The following DACT2 variants were observed in gnomAD, a reference collection of about 807,000 sequenced individuals.
DACT2 encodes dapper homolog 2.
A neutral mutation model predicts 22.2 loss-of-function variants in DACT2; 20 were observed. That is an observed-to-expected ratio of 0.90 (90% CI 0.63 to 1.31). The LOEUF (loss-of-function observed/expected upper bound fraction) is 1.31. Ranked by LOEUF, DACT2 falls within the 50% of genes most tolerant of loss-of-function variation. DACT2 has a pLI of 0.00. For missense variants in DACT2, 1,048 were observed against 1,061.4 expected, an observed-to-expected ratio of 0.99 and a Z score of 0.18; for synonymous variants, 463 against 479.8, an observed-to-expected ratio of 0.96 and a Z score of 0.46.
Position 168,308,124 on chromosome 6 carries a change from C to A in DACT2, c.1633G>T (p.Gly545Trp). 1 of 1,548,086 alleles carries A rather than the reference C, an allele frequency of 6.5e-7. No homozygotes were observed. The highest frequency in any genetic ancestry group is 8.7e-7 in the Non-Finnish European group (1 of 1,145,344). ...DPAHWPTGRG[G>W]LQRRPALAWE... ...GCCAGGGCTGGCCTCCGCTGGAGCC[C>A]GCCCCTCCCTGTGGGCCAGTGGGCA... The change falls in exon 4 of 4, where the codon GGG becomes TGG. Residue 545 changes from glycine to tryptophan, a missense_variant. By Grantham distance (184) the Gly-to-Trp change is radical. Transcript: ENST00000366795.
At chr6:168,294,307 G>C in intron 4 of DACT2, 1 of 695,664 alleles carries the variant, frequency 1.4e-6, no homozygotes, top group Non-Finnish European at 2.6e-6. Context: ...TGAGGACACA[G>C]AGGAAGGGGA....
Position 168,294,577 on chromosome 6 carries a change from G to GTATATATATA in DACT2, c.730+46_730+55dup, listed in dbSNP as rs1554269708. The GTATATATATA allele has an allele frequency of 1.7e-3, 213 of 124,422 alleles. 6 individuals carry two copies. The highest frequency in any genetic ancestry group is 1.0e-2 in the African/African-American group (175 of 17,570). 7.7% of individuals were successfully genotyped at this position (124,422 alleles called of 1,614,324 possible). ...TGTGTGTGTATGTGTGTGTGTGTGTGTATATATATATATATATATATATAT... is the reference window on the plus strand; with the variant it reads ...TGTGTGTGTATGTGTGTGTGTGTGTGTATATATATATATATATATATATATATATATATAT... On this transcript the variant is annotated intron_variant, in intron 4 of 5. Transcript: ENST00000366796.
Position 168,308,224 on chromosome 6 carries a change from T to C in DACT2, c.1533A>G (p.Ala511=). Residue 511 remains alanine, a synonymous_variant, in exon 4 of 4, where the codon GCA becomes GCG. Coordinates refer to ENST00000366795, the MANE Select transcript of DACT2 (RefSeq NM_214462.5). ...TGTCCAGTAGAAGCAGCGGCTGCCT[T>C]GCAAACCTCAGCACCTTGTCCATGG... ...RSPMDKVLRF[A]RQPLLLLDRP... is the part of the protein sequence containing the mutation. 2.6e-6 allele frequency: 4 copies of C among 1,551,900 alleles called. No homozygotes were observed. Among genetic ancestry groups the C allele is most frequent in the Non-Finnish European group, 3.5e-6 (4 of 1,147,044 alleles).
At chr6:168,294,100 G>A (rs544072974) in intron 5 of DACT2, 19 of 702,958 alleles carry the variant, frequency 2.7e-5, no homozygotes, top group Middle Eastern at 4.6e-4. Context: ...AGCTAGACCC[G>A]AAGCACACAG....
At chr6:168,294,080 G>A (rs536770442) in intron 5 of DACT2, 2 of 702,932 alleles carry the variant, frequency 2.8e-6, no homozygotes, top group South Asian at 3.0e-5. Flanking sequence ...ACCCGCGATG[G>A]CAGTTGTGCA....
chr6:168,297,749 G>A (rs1779031920), intron 3 of DACT2, among the ~76,000 whole-genome samples: 1 of 152,260 alleles, frequency 6.6e-6, no homozygotes, highest in African/African-American at 2.4e-5. Flanking sequence ...AAGACAGAGA[G>A]ATGGATGTTT....
Position 168,308,998 on chromosome 6 carries a change from C to T in DACT2, c.759G>A (p.Leu253=). Residue 253 remains leucine (L), a synonymous_variant, in exon 4 of 4, where the codon CTG becomes CTA. Transcript: ENST00000366795. ...GCCGATACTTGGGGTCCGGCACGTGCAGCGGGATATCCACCCCCTGGCAGA... is the reference window on the plus strand; with the variant it reads ...GCCGATACTTGGGGTCCGGCACGTGTAGCGGGATATCCACCCCCTGGCAGA... The part of the protein sequence containing the change: ...GLLCQGVDIP[L]HVPDPKYRQD... 6.5e-6 allele frequency: 10 copies of T among 1,548,848 alleles called. No homozygotes were observed. Among genetic ancestry groups the T allele is most frequent in the Non-Finnish European group, 8.7e-6 (10 of 1,146,966 alleles).
At position 168,319,478 on chromosome 6, in the gene DACT2, C is replaced by A. The variant is rs1243702049; in HGVS notation, c.156G>T (p.Pro52=). 2 of 1,201,866 alleles carry A rather than the reference C, an allele frequency of 1.7e-6. No individual in the cohort carries two copies. The highest frequency in any genetic ancestry group is 2.1e-6 in the Non-Finnish European group (2 of 970,214). 74.5% of individuals were successfully genotyped at this position (1,201,866 alleles called of 1,614,324 possible). The change falls in exon 1 of 4, where the codon CCG becomes CCT. Residue 52 remains proline (P), a synonymous_variant. Coordinates refer to ENST00000366795, the MANE Select transcript of DACT2 (RefSeq NM_214462.5). The part of the protein sequence containing the change: ...RVRGALALQP[P]PAPAAPCGPH... ...GGCCGCAGGGCGCGGCGGGCGCGGG[C>A]GGGGGCTGCAGGGCCAGGGCGCCCC...
chr6:168,294,567 G>GTATA (rs1249192925), intron 4 of DACT2: 1 of 480,722 alleles, frequency 2.1e-6, no homozygotes, highest in African/African-American at 5.4e-5. Context: ...GTGTATGTGT[G>GTATA]TGTGTGTGTG....
In DACT2 at chr6:168,319,492, C is replaced by T; in HGVS notation, c.142G>A (p.Ala48Thr). Reference sequence around the variant, plus strand: ...GCGGGCGCGGGCGGGGGCTGCAGGGCCAGGGCGCCCCGTACCCGCTCCTGC... The same window carrying T: ...GCGGGCGCGGGCGGGGGCTGCAGGGTCAGGGCGCCCCGTACCCGCTCCTGC... ...TQQERVRGAL[A>T]LQPPPAPAAP... is the part of the protein sequence containing the mutation. Residue 48 changes from alanine (A) to threonine (T), a missense_variant, in exon 1 of 4, where the codon GCC (alanine) becomes ACC (threonine). Coordinates refer to ENST00000366795, the MANE Select transcript of DACT2 (RefSeq NM_214462.5). 7.9e-7 allele frequency: 1 copy of T among 1,260,452 alleles called. No individual in the cohort carries two copies. The highest frequency in any genetic ancestry group is 1.0e-6 in the Non-Finnish European group (1 of 999,000). 78.1% of individuals were successfully genotyped at this position (1,260,452 alleles called of 1,614,324 possible).
chr6:168,308,534 T>C lies in DACT2; in HGVS notation c.1223A>G (p.Tyr408Cys), dbSNP rs1455561300. ...AGRGGPQQQG[Y>C]MPLEGPQQSG... is the part of the protein sequence containing the mutation. ...CTGCTGGGGACCCTCAAGGGGCATGTATCCCTGCTGCTGGGGCCCGCCCCT... is the reference window on the plus strand; with the variant it reads ...CTGCTGGGGACCCTCAAGGGGCATGCATCCCTGCTGCTGGGGCCCGCCCCT... The change falls in exon 4 of 4, where the codon TAC (tyrosine) becomes TGC (cysteine). Residue 408 changes from tyrosine (Y) to cysteine (C), a missense_variant. Transcript: ENST00000366795. The C allele has an allele frequency of 1.3e-6, 2 of 1,550,950 alleles. No homozygotes were observed. Among genetic ancestry groups the C allele is most frequent in the Non-Finnish European group, 8.7e-7 (1 of 1,146,900 alleles).
rs978880302 is a variant in DACT2, at chr6:168,308,477, G to A, written c.1280C>T (p.Pro427Leu). The change falls in exon 4 of 4, where the codon CCC (proline) becomes CTC (leucine). Residue 427 changes from proline to leucine, a missense_variant. Physicochemically the swap from Pro to Leu is moderately conservative, Grantham distance 98 (BLOSUM62 -3). Transcript: ENST00000366795. Reference sequence around the variant, plus strand: ...CTCCCTGAGGACACAGCTGTTTGAGGGCTTGGAGCCCTCCTCTGGAAGGCT... The same window carrying A: ...CTCCCTGAGGACACAGCTGTTTGAGAGCTTGGAGCCCTCCTCTGGAAGGCT... ...SGSLPEEGSKPSNSCVLRETM... is the reference protein window; with the variant it reads ...SGSLPEEGSKLSNSCVLRETM... 20 of 1,551,494 alleles carry A rather than the reference G, an allele frequency of 1.3e-5. No individual in the cohort carries two copies. The highest frequency in any genetic ancestry group is 2.7e-5 in the African/African-American group (2 of 73,032).
Position 168,307,671 on chromosome 6 carries a change from C to T in DACT2, c.2086G>A (p.Asp696Asn). 6.5e-7 allele frequency: 1 copy of T among 1,549,574 alleles called. No individual in the cohort carries two copies. The highest frequency in any genetic ancestry group is 8.7e-7 in the Non-Finnish European group (1 of 1,145,996). The change falls in exon 4 of 4, where the codon GAC (aspartate) becomes AAC (asparagine). Residue 696 changes from aspartate (D) to asparagine (N), a missense_variant. Transcript: ENST00000366795. This position sits in a 1 kb window ranked among gnomAD's most constrained non-coding sequence, Gnocchi z 5.3. ...SSDHTTNRFGDRESSSSDEEG... is the reference protein window; with the variant it reads ...SSDHTTNRFGNRESSSSDEEG... ...TCGTCGCTGCTGCTGGACTCACGGT[C>T]TCCGAATCGGTTGGTGGTGTGGTCA...
intron 1 of DACT2, among the ~76,000 whole-genome samples, chr6:168,312,998 T>G (rs1426293973): frequency 6.6e-6 from 1 of 152,298 alleles, no homozygotes; most frequent in African/African-American, 2.4e-5. Flanking sequence ...AGGACCCAAC[T>G]CAGGGGCCTC....
chr6:168,305,357 C>T (rs1449730481), downstream of DACT2, among the ~76,000 whole-genome samples: 5 of 152,008 alleles, frequency 3.3e-5, no homozygotes, highest in Non-Finnish European at 7.3e-5. Flanking sequence ...TTCTAAAAGA[C>T]GGGCACTGTC....
intron 1 of DACT2, among the ~76,000 whole-genome samples, chr6:168,315,028 C>T (rs185439774): frequency 7.9e-5 from 12 of 152,276 alleles, no homozygotes; most frequent in Admixed American, 5.2e-4. Context: ...CAAGCACAGC[C>T]GGCCCAAGAA....
At chr6:168,293,589 A>G (rs1562488918) in exon 6 of DACT2, 6 of 367,640 alleles carry the variant, frequency 1.6e-5, no homozygotes, top group Non-Finnish European at 3.0e-5. Context: ...CAGTCATGCT[A>G]GAAAAACACA....
At chr6:168,298,341 G>A (rs1266623422) in intron 3 of DACT2, 1 of 152,088 alleles carries the variant, frequency 6.6e-6, no homozygotes, top group Non-Finnish European at 1.5e-5. Flanking sequence ...ATTTGGCGAG[G>A]GCATGAGGAA....
chr6:168,306,538 G>C (rs181104388), downstream of DACT2, among the ~76,000 whole-genome samples: 5 of 152,006 alleles, frequency 3.3e-5, no homozygotes, highest in African/African-American at 1.2e-4. Flanking sequence ...CGCCTCCTGG[G>C]TTCAAGCAAT....
Sources: gnomAD v4.1 joint callset for allele counts (sites outside exome capture counted in the v4.1 genomes callset) on GRCh38, gnomAD v4.1.1 for gene constraint, Gnocchi (gnomAD v3.1) non-coding constraint, MANE v1.5 for transcripts, NCBI Gene and HGNC (gene_info 2026-07-23, HGNC 2026-07-21) for gene names.